The following AHCY variants were observed in gnomAD, a reference collection of about 807,000 sequenced individuals.
The protein encoded by AHCY is S-adenosyl-L-homocysteine hydrolase.
In AHCY, 24 loss-of-function variants were observed where a neutral mutation model predicts 45.4. The observed-to-expected ratio is 0.53, with a 90% confidence interval of 0.38 to 0.74. The LOEUF is 0.74. Ranked by LOEUF, AHCY falls within the 30% of genes least tolerant of loss-of-function variation. The pLI is 0.00. For missense variants in AHCY, 449 were observed against 594.1 expected (o/e 0.76, Z 2.54); for synonymous variants, 245 against 235.1 (o/e 1.04, Z -0.39).
chr20:34,266,622 G>A, the AHCY span, among the ~76,000 whole-genome samples: 3 of 151,934 alleles, frequency 2.0e-5, no homozygotes, highest in Non-Finnish European at 2.9e-5. Flanking sequence ...GCAGTGAGCC[G>A]AGATGGCACC....
At chr20:34,268,257 C>A in the AHCY span, among the ~76,000 whole-genome samples, 2 of 152,136 alleles carry the variant, frequency 1.3e-5, no homozygotes, top group Non-Finnish European at 2.9e-5. Flanking sequence ...AAGCAGCAAG[C>A]TGTGGCAGCA....
chr20:34,303,519 G>T (rs2122838516), upstream of AHCY, among the ~76,000 whole-genome samples: 1 of 152,350 alleles, frequency 6.6e-6, no homozygotes, highest in South Asian at 2.1e-4. Context: ...CTCACTCACC[G>T]GTCCGGAAGG....
intron 5 of AHCY, 27 bp downstream of exon 5, chr20:34,291,392 G>A (rs369353590): frequency 1.1e-4 from 176 of 1,590,038 alleles, no homozygotes; most frequent in South Asian, 6.5e-4. Context: ...CCACTGTAGC[G>A]GGAGCTGTCA....
chr20:34,272,464 C>T, the AHCY span, among the ~76,000 whole-genome samples: 5 of 152,172 alleles, frequency 3.3e-5, no homozygotes, highest in Non-Finnish European at 7.3e-5. Flanking sequence ...GGGCTCAGTC[C>T]CCAAGACTGC....
At chr20:34,233,096 C>T in the AHCY span, among the ~76,000 whole-genome samples, 7 of 151,508 alleles carry the variant, frequency 4.6e-5, no homozygotes, top group Admixed American at 4.6e-4. Context: ...TCCCCACTCA[C>T]ACCAACATTT....
At chr20:34,286,677 C>T (rs1161583195) in intron 8 of AHCY, among the ~76,000 whole-genome samples, 8 of 151,618 alleles carry the variant, frequency 5.3e-5, no homozygotes, top group Non-Finnish European at 1.0e-4. Flanking sequence ...CTACTAAAAA[C>T]ACAAAATTAG....
chr20:34,304,010 A>G (rs191849693), upstream of AHCY, among the ~76,000 whole-genome samples: 2 of 152,236 alleles, frequency 1.3e-5, no homozygotes, highest in East Asian at 3.9e-4. Flanking sequence ...AAAAAACCAA[A>G]ACAAAGTTAA....
At chr20:34,298,605 CG>C (rs1469112892) in intron 1 of AHCY, among the ~76,000 whole-genome samples, 1 of 31,266 alleles carries the variant, frequency 3.2e-5, no homozygotes, top group Non-Finnish European at 6.7e-5. Flanking sequence ...GTGGCGGCGG[CG>C]GGAGGGGGGG....
chr20:34,292,989 G>T (rs184467624), intron 3 of AHCY, among the ~76,000 whole-genome samples: 3 of 152,268 alleles, frequency 2.0e-5, no homozygotes, highest in Admixed American at 6.5e-5. Flanking sequence ...GCACTGAAAG[G>T]ACTGGAGCAC....
At chr20:34,269,580 AG>A in the AHCY span, among the ~76,000 whole-genome samples, 1 of 151,982 alleles carries the variant, frequency 6.6e-6, no homozygotes, top group South Asian at 2.1e-4. Flanking sequence ...CCAGGAAGAA[AG>A]GAACAGCCTT....
chr20:34,271,004 C>T, the AHCY span, among the ~76,000 whole-genome samples: 13 of 152,114 alleles, frequency 8.5e-5, no homozygotes, highest in African/African-American at 2.7e-4. Flanking sequence ...GAAAGAGTCT[C>T]ACTCTGTCAC....
the AHCY span, among the ~76,000 whole-genome samples, chr20:34,248,107 G>A: frequency 6.6e-6 from 1 of 152,142 alleles, no homozygotes; most frequent in Admixed American, 6.5e-5. Flanking sequence ...TCAGGAGGCT[G>A]AGGCAGAAGA....
At chr20:34,295,628 C>T (rs1177485429) in intron 1 of AHCY, 43 bp from the exon 2 acceptor site, 1 of 1,600,386 alleles carries the variant, frequency 6.2e-7, no homozygotes, top group Admixed American at 1.7e-5. Context: ...TCCCCTCATC[C>T]CACCAACCAA....
intron 1 of AHCY, chr20:34,302,766 G>T: frequency 1.0e-6 from 1 of 992,888 alleles, no homozygotes; most frequent in Non-Finnish European, 1.2e-6. Flanking sequence ...GAGCCGGCCT[G>T]GGGCTCGCTT....
the AHCY span, among the ~76,000 whole-genome samples, chr20:34,244,540 G>A: frequency 1.4e-3 from 211 of 152,210 alleles, 1 homozygote; most frequent in African/African-American, 4.8e-3. Flanking sequence ...AAACATATGC[G>A]TAATATTCTA....
chr20:34,241,646 T>C, the AHCY span, among the ~76,000 whole-genome samples: 5 of 152,204 alleles, frequency 3.3e-5, no homozygotes, highest in African/African-American at 1.2e-4. Context: ...AGGAGTTCAG[T>C]GTGAAGAAAG....
Position 34,298,607 on chromosome 20 carries a change from G to GC in AHCY, c.29-3023_29-3022insG, listed in dbSNP as rs1348994769. 8.8e-5 allele frequency among the ~76,000 whole-genome samples: 12 copies of GC among 135,900 alleles called. 1 individual carries two copies. The highest frequency in any genetic ancestry group is 2.2e-4 in the South Asian group (1 of 4,470). 89.2% of individuals were successfully genotyped at this position (135,900 alleles called of 152,430 possible). A position where few individuals can be genotyped will look rare whatever the true frequency, so the allele number is the denominator to read the frequency against. ...AGCAGACTGGGAAGTGGCGGCGGCGGGAGGGGGGGGGGTGTCTCCCTTTCC... is the reference window on the plus strand; with the variant it reads ...AGCAGACTGGGAAGTGGCGGCGGCGGCGAGGGGGGGGGGTGTCTCCCTTTCC... On this transcript the variant is annotated intron_variant, in intron 1 of 9. Coordinates refer to ENST00000217426, the MANE Select transcript of AHCY (RefSeq NM_000687.4).
chr20:34,268,613 G>A, the AHCY span, among the ~76,000 whole-genome samples: 17 of 152,044 alleles, frequency 1.1e-4, no homozygotes, highest in African/African-American at 3.9e-4. Context: ...GTGCGCACAT[G>A]TGGTCCCAGC....
At chr20:34,308,562 A>AT (rs1003536386) in intron 1 of AHCY, among the ~76,000 whole-genome samples, 5 of 151,882 alleles carry the variant, frequency 3.3e-5, no homozygotes, top group African/African-American at 9.7e-5. Context: ...GAAAAAGAAA[A>AT]TTTTTTTTAA....
Sources: allele counts gnomAD v4.1 joint callset (sites outside exome capture counted in the v4.1 genomes callset), GRCh38; gene constraint gnomAD v4.1.1; transcripts MANE v1.5; gene names NCBI Gene and HGNC (gene_info 2026-07-23, HGNC 2026-07-21).